CTTNBP2: variants seen among roughly 807,000 people sequenced by gnomAD.
The protein encoded by CTTNBP2 is cortactin binding protein 2, also known as cortactin-binding protein 2.
Under a neutral mutation model 156.9 loss-of-function variants are expected in CTTNBP2, and 108 were observed. The observed-to-expected ratio is 0.69, with a 90% confidence interval of 0.59 to 0.81. The LOEUF is 0.81. Ranked by LOEUF, CTTNBP2 falls within the 30% of genes least tolerant of loss-of-function variation. The pLI, the probability that CTTNBP2 is intolerant of heterozygous loss-of-function variation, is 0.00. For missense variants in CTTNBP2, 1,924 were observed against 2,035.4 expected (o/e 0.95, Z 1.05); for synonymous variants, 767 against 751.8 (o/e 1.02, Z -0.33).
At chr7:117,781,698 A>G (rs1364242471) in intron 6 of CTTNBP2, among the ~76,000 whole-genome samples, 1 of 152,196 alleles carries the variant, frequency 6.6e-6, no homozygotes, top group Non-Finnish European at 1.5e-5. Context: ...AGATTGCACC[A>G]CTATACTCCA....
At chr7:117,827,645 A>C (rs1457070817) in intron 2 of CTTNBP2, among the ~76,000 whole-genome samples, 10 of 152,190 alleles carry the variant, frequency 6.6e-5, no homozygotes, top group African/African-American at 2.2e-4. Context: ...TAATTCCAGA[A>C]ATGCTTACTT....
At chr7:117,760,967 T>C (rs1797181471) in intron 9 of CTTNBP2, among the ~76,000 whole-genome samples, 1 of 152,168 alleles carries the variant, frequency 6.6e-6, no homozygotes, top group Non-Finnish European at 1.5e-5. Flanking sequence ...TCATTAACTC[T>C]TTCCCATCAG....
intron 12 of CTTNBP2, among the ~76,000 whole-genome samples, chr7:117,746,549 CTGAG>C (rs941697011): frequency 1.3e-5 from 2 of 152,180 alleles, no homozygotes; most frequent in African/African-American, 4.8e-5. Flanking sequence ...TAAAAAATTA[CTGAG>C]TGTCAGCACC....
intron 2 of CTTNBP2, among the ~76,000 whole-genome samples, chr7:117,815,603 T>G (rs1447316953): frequency 2.0e-5 from 3 of 152,216 alleles, no homozygotes; most frequent in African/African-American, 7.2e-5. Context: ...ACTATTAGGA[T>G]GCTGGGCAGC....
intron 14 of CTTNBP2, 91 bp downstream of exon 14, chr7:117,745,740 T>C: frequency 1.2e-6 from 1 of 819,848 alleles, no homozygotes; most frequent in South Asian, 1.6e-5. Flanking sequence ...CTTAAATGTA[T>C]CCCCAAGCAA....
At chr7:117,871,414 A>T (rs1377012247) in intron 1 of CTTNBP2, among the ~76,000 whole-genome samples, 3 of 152,230 alleles carry the variant, frequency 2.0e-5, no homozygotes, top group African/African-American at 7.2e-5. Context: ...TACTAGATGA[A>T]GAATCCTTAT....
chr7:117,866,306 A>G (rs929492220), intron 1 of CTTNBP2, among the ~76,000 whole-genome samples: 2 of 152,206 alleles, frequency 1.3e-5, no homozygotes, highest in Non-Finnish European at 2.9e-5. Flanking sequence ...ATACCCTTTT[A>G]GAATTAGTGG....
chr7:117,793,626 C>T (rs566579583), intron 3 of CTTNBP2: 2 of 152,350 alleles, frequency 1.3e-5, no homozygotes, highest in South Asian at 4.1e-4. Context: ...TTCCAGCCCT[C>T]TCTCCCTTCC....
chr7:117,847,544 T>C (rs1281098175), intron 2 of CTTNBP2, among the ~76,000 whole-genome samples: 2 of 152,144 alleles, frequency 1.3e-5, no homozygotes, highest in African/African-American at 4.8e-5. Flanking sequence ...AAAAAGAATG[T>C]TCTAAACTGA....
chr7:117,736,360 G>C (rs534175195), intron 14 of CTTNBP2, among the ~76,000 whole-genome samples: 1 of 152,204 alleles, frequency 6.6e-6, no homozygotes, highest in East Asian at 1.9e-4. Flanking sequence ...GGAGGCTGAG[G>C]TGAGAGGATC....
chr7:117,805,413 T>G (rs1799872515), intron 3 of CTTNBP2, among the ~76,000 whole-genome samples: 1 of 152,180 alleles, frequency 6.6e-6, no homozygotes, highest in Admixed American at 6.5e-5. Flanking sequence ...GTATGTGGAC[T>G]CTGAAGGCAG....
chr7:117,724,522 C>T, intron 19 of CTTNBP2, 25 bp downstream of exon 19: 1 of 1,576,072 alleles, frequency 6.3e-7, no homozygotes, highest in Non-Finnish European at 8.6e-7. Flanking sequence ...TCCTGGTAGG[C>T]AACATGCCTA....
chr7:117,803,346 A>G (rs1490039343), intron 3 of CTTNBP2, among the ~76,000 whole-genome samples: 4 of 152,204 alleles, frequency 2.6e-5, no homozygotes, highest in South Asian at 2.1e-4. Context: ...AACATTGGGT[A>G]CACATAAAAA....
At chr7:117,826,667 T>C (rs1436744552) in intron 2 of CTTNBP2, among the ~76,000 whole-genome samples, 1 of 152,004 alleles carries the variant, frequency 6.6e-6, no homozygotes, top group Non-Finnish European at 1.5e-5. Flanking sequence ...ATAAAACTTA[T>C]CAACACTTGT....
intron 2 of CTTNBP2, among the ~76,000 whole-genome samples, chr7:117,829,893 T>G (rs769130694): frequency 6.6e-6 from 1 of 152,220 alleles, no homozygotes; most frequent in African/African-American, 2.4e-5. Context: ...TGCCTGTGAA[T>G]GCACAGACTG....
chr7:117,817,103 C>G (rs912368925), intron 2 of CTTNBP2, among the ~76,000 whole-genome samples: 2 of 150,892 alleles, frequency 1.3e-5, no homozygotes, highest in East Asian at 4.0e-4. Context: ...TTTGGGAGGT[C>G]GAGATGGGCA....
chr7:117,728,296 G>A, intron 16 of CTTNBP2, 29 bp from the exon 17 acceptor site: 1 of 1,549,768 alleles, frequency 6.5e-7, no homozygotes, highest in Non-Finnish European at 8.7e-7. Flanking sequence ...GGAACCCAGG[G>A]GCTTGGTTTA....
At chr7:117,858,070 A>C (rs937136857) in intron 2 of CTTNBP2, among the ~76,000 whole-genome samples, 3 of 152,212 alleles carry the variant, frequency 2.0e-5, no homozygotes, top group Non-Finnish European at 4.4e-5. Context: ...AAACCAAAAA[A>C]GCTTCAGGAA....
chr7:117,756,521 A>G, intron 12 of CTTNBP2, 34 bp downstream of exon 12: 1 of 1,533,688 alleles, frequency 6.5e-7, no homozygotes. Context: ...CAGGGATGGA[A>G]AACACAGGTC....
Sources: allele counts gnomAD v4.1 joint callset (sites outside exome capture counted in the v4.1 genomes callset), GRCh38; gene constraint gnomAD v4.1.1; transcripts MANE v1.5; gene names NCBI Gene and HGNC (gene_info 2026-07-23, HGNC 2026-07-21).